The following RIMS1 variants were observed in gnomAD, a reference collection of about 807,000 sequenced individuals.
The protein encoded by RIMS1 is regulating synaptic membrane exocytosis protein 1.
RIMS1 carries 83 observed loss-of-function variants against 214.1 expected under a neutral mutation model. The ratio of observed to expected loss-of-function variants is 0.39; its 90% CI spans 0.32 to 0.47. The LOEUF is 0.47. RIMS1 is among the 20% of genes least tolerant of loss of function. The probability of loss-of-function intolerance (pLI) is 0.99; values close to 1 mark genes in which losing one functional copy is unlikely to be tolerated. For missense variants in RIMS1, 2,050 were observed against 2,161.8 expected, an observed-to-expected ratio of 0.95 and a Z score of 1.03; for synonymous variants, 793 against 786.8, an observed-to-expected ratio of 1.01 and a Z score of -0.13.
At chr6:72,189,860 T>C (rs1485330270) in intron 6 of RIMS1, among the ~76,000 whole-genome samples, 22 of 152,212 alleles carry the variant, frequency 1.4e-4, no homozygotes, top group Admixed American at 1.4e-3. Context: ...ATTATTAAAA[T>C]CCTTTTCTGT....
At chr6:71,979,796 A>G (rs1798058014) in intron 2 of RIMS1, among the ~76,000 whole-genome samples, 2 of 152,166 alleles carry the variant, frequency 1.3e-5, no homozygotes, top group South Asian at 4.2e-4. Context: ...GTAGCCAGGA[A>G]ACGTGTATTT....
intron 28 of RIMS1, among the ~76,000 whole-genome samples, chr6:72,331,276 A>G (rs2096649768): frequency 6.6e-6 from 1 of 151,854 alleles, no homozygotes; most frequent in African/African-American, 2.4e-5. Flanking sequence ...AAGCTGTAAT[A>G]GAATTCCATC....
At position 72,402,312 on chromosome 6, in the gene RIMS1, T is replaced by A. The variant is rs992007685; in HGVS notation, c.*1598T>A. The stretch of plus-strand genomic sequence containing the variant: ...AGAAATCTAAGCCATCCACTTTTGT[T>A]ATAGACATTTTGCAGGTTTTAGCCA... On this transcript the variant is annotated 3_prime_UTR_variant, in exon 34 of 34. Coordinates refer to ENST00000521978, the MANE Select transcript of RIMS1 (RefSeq NM_014989.7). 6.6e-6 allele frequency: 1 copy of A among 152,668 alleles called. No individual in the cohort carries two copies. Among genetic ancestry groups the A allele is most frequent in the Admixed American group, 6.5e-5 (1 of 15,286 alleles). 9.5% of individuals were successfully genotyped at this position (152,668 alleles called of 1,614,324 possible).
intron 6 of RIMS1, among the ~76,000 whole-genome samples, chr6:72,196,505 T>C (rs1015715885): frequency 6.7e-6 from 1 of 149,408 alleles, no homozygotes; most frequent in African/African-American, 2.5e-5. Context: ...ATTTTAAAAA[T>C]TGTAACCTTA....
At chr6:71,901,145 A>G (rs1773481602) in intron 1 of RIMS1, among the ~76,000 whole-genome samples, 2 of 152,084 alleles carry the variant, frequency 1.3e-5, no homozygotes, top group Non-Finnish European at 2.9e-5. Flanking sequence ...ATAATGAGAA[A>G]CTAAAAGTCT....
chr6:72,053,002 G>T (rs999855359), intron 2 of RIMS1, among the ~76,000 whole-genome samples: 11 of 152,174 alleles, frequency 7.2e-5, no homozygotes, highest in African/African-American at 2.7e-4. Flanking sequence ...TTACTAGCTG[G>T]AGAGACAGGA....
chr6:72,286,241 T>C (rs1044088773), intron 24 of RIMS1, among the ~76,000 whole-genome samples: 1 of 151,960 alleles, frequency 6.6e-6, no homozygotes, highest in Non-Finnish European at 1.5e-5. Flanking sequence ...CTGTGTGTAG[T>C]TATATATTAA....
intron 30 of RIMS1, among the ~76,000 whole-genome samples, chr6:72,392,473 T>C (rs2098716551): frequency 6.6e-6 from 1 of 152,210 alleles, no homozygotes; most frequent in East Asian, 1.9e-4. Flanking sequence ...CTGAGCCCTC[T>C]TGAATAGAGC....
At chr6:72,345,650 T>C (rs898241173) in intron 29 of RIMS1, among the ~76,000 whole-genome samples, 1 of 151,866 alleles carries the variant, frequency 6.6e-6, no homozygotes, top group African/African-American at 2.4e-5. Flanking sequence ...TATTTAATTT[T>C]GTTTTATAAT....
intron 2 of RIMS1, among the ~76,000 whole-genome samples, chr6:72,072,747 C>T (rs1830866321): frequency 6.6e-6 from 1 of 152,144 alleles, no homozygotes; most frequent in Non-Finnish European, 1.5e-5. Flanking sequence ...TCAACACCAC[C>T]CTTCTATAGT....
chr6:72,268,354 A>G (rs1169581466), intron 22 of RIMS1, among the ~76,000 whole-genome samples: 1 of 152,202 alleles, frequency 6.6e-6, no homozygotes, highest in African/African-American at 2.4e-5. Flanking sequence ...AATGCCTAAT[A>G]TATACATAGT....
chr6:72,278,658 A>G (rs1591699538), intron 23 of RIMS1, among the ~76,000 whole-genome samples: 1 of 152,034 alleles, frequency 6.6e-6, no homozygotes, highest in African/African-American at 2.4e-5. Context: ...TTTCAAAAAT[A>G]CTCTTTCTTT....
chr6:72,321,979 T>TA (rs2096196968), intron 28 of RIMS1, among the ~76,000 whole-genome samples: 1 of 152,090 alleles, frequency 6.6e-6, no homozygotes, highest in South Asian at 2.1e-4. Context: ...CTAAAAAGAC[T>TA]AAAAACTCCA....
intron 1 of RIMS1, among the ~76,000 whole-genome samples, chr6:71,953,590 CATT>C (rs1190843207): frequency 6.6e-6 from 1 of 152,140 alleles, no homozygotes; most frequent in Non-Finnish European, 1.5e-5. Context: ...ACTTATTTCT[CATT>C]ATTTTTCCAT....
intron 4 of RIMS1, among the ~76,000 whole-genome samples, chr6:72,121,826 T>C (rs1253592617): frequency 6.6e-6 from 1 of 151,812 alleles, no homozygotes. Context: ...AGATATGTCC[T>C]ATCAATACCT....
intron 6 of RIMS1, among the ~76,000 whole-genome samples, chr6:72,215,370 CTT>C (rs2055418253): frequency 6.6e-6 from 1 of 152,174 alleles, no homozygotes; most frequent in Non-Finnish European, 1.5e-5. Flanking sequence ...ACTGACATAA[CTT>C]TGAAGTAATT....
chr6:72,390,519 T>C, intron 29 of RIMS1, 79 bp from the exon 30 acceptor site: 1 of 1,370,574 alleles, frequency 7.3e-7, no homozygotes, highest in Non-Finnish European at 1.0e-6. Context: ...AATTAACTAT[T>C]GTATTTGCAG....
chr6:72,287,565 A>T (rs1001818936), intron 24 of RIMS1, among the ~76,000 whole-genome samples: 1 of 152,032 alleles, frequency 6.6e-6, no homozygotes, highest in African/African-American at 2.4e-5. Context: ...TCAGGCATAC[A>T]TAAGTTTGAA....
chr6:72,375,074 G>C (rs533335058), intron 29 of RIMS1, among the ~76,000 whole-genome samples: 6 of 152,252 alleles, frequency 3.9e-5, no homozygotes, highest in African/African-American at 1.4e-4. Context: ...ATGAAGCTTC[G>C]CCCACTACTC....
Sources: allele counts gnomAD v4.1 joint callset (sites outside exome capture counted in the v4.1 genomes callset), GRCh38; gene constraint gnomAD v4.1.1; transcripts MANE v1.5; gene names NCBI Gene and HGNC (gene_info 2026-07-23, HGNC 2026-07-21).